GSKIP: variants seen among roughly 807,000 people sequenced by gnomAD.
GSKIP encodes GSK3B-interacting protein.
In GSKIP, 5 loss-of-function variants were observed where a neutral mutation model predicts 11.9. The observed-to-expected ratio is 0.42, with a 90% CI of 0.22 to 0.89. GSKIP has a LOEUF of 0.89. GSKIP is among the 40% of genes least tolerant of loss of function. The probability of loss-of-function intolerance (pLI) is 0.29; values close to 1 mark genes in which losing one functional copy is unlikely to be tolerated. For missense variants in GSKIP, 150 were observed against 166.6 expected (o/e 0.90, Z 0.55); for synonymous variants, 70 against 62.9 (o/e 1.11, Z -0.54).
At chr14:96,370,468 C>A (rs1222784501) in intron 1 of GSKIP, among the ~76,000 whole-genome samples, 1 of 145,488 alleles carries the variant, frequency 6.9e-6, no homozygotes, top group Non-Finnish European at 1.5e-5. Flanking sequence ...GTGGTGAGAG[C>A]TGTTTGGGTC....
intron 1 of GSKIP, among the ~76,000 whole-genome samples, chr14:96,373,091 A>G (rs1889094946): frequency 6.6e-6 from 1 of 152,032 alleles, no homozygotes; most frequent in Admixed American, 6.6e-5. Flanking sequence ...TTAGCCAGGC[A>G]CGGTGGTGGC....
intron 3 of GSKIP, among the ~76,000 whole-genome samples, chr14:96,383,876 A>C (rs1889415491): frequency 6.6e-6 from 1 of 152,174 alleles, no homozygotes; most frequent in Admixed American, 6.5e-5. Flanking sequence ...AGTAGAGATA[A>C]ATGACAGAAT....
At chr14:96,370,046 A>G (rs956076671) in intron 1 of GSKIP, among the ~76,000 whole-genome samples, 1 of 152,212 alleles carries the variant, frequency 6.6e-6, no homozygotes, top group Non-Finnish European at 1.5e-5. Context: ...GATGCAGGAC[A>G]TGCTAAAAGG....
chr14:96,377,866 G>A (rs771433668), intron 1 of GSKIP, among the ~76,000 whole-genome samples: 1 of 152,104 alleles, frequency 6.6e-6, no homozygotes, highest in Non-Finnish European at 1.5e-5. Context: ...ACCTTGAGAT[G>A]GTGCCTTTAA....
rs1042675914 is a variant in GSKIP, at chr14:96,374,246, A to C, written c.-102-5442A>C. 3.9e-5 allele frequency among the ~76,000 whole-genome samples: 6 copies of C among 152,208 alleles called. No homozygotes were observed. In the East Asian group the frequency reaches 7.7e-4, roughly 20 times the overall value. On this transcript the variant is annotated intron_variant, in intron 1 of 3. Transcript: ENST00000555181. ...ATCAATAAACAATTCAAAATGAAAC[A>C]GTGAAAAAAATAAATACAGCAATGA...
At chr14:96,364,044 C>T (rs1363092881) in intron 1 of GSKIP, 2 of 152,306 alleles carry the variant, frequency 1.3e-5, no homozygotes, top group Non-Finnish European at 2.9e-5. Flanking sequence ...CTTGGGTTTT[C>T]GAAGCATCTG....
chr14:96,385,365 A>G (rs1041978612), intron 3 of GSKIP, among the ~76,000 whole-genome samples, 158 bp from the exon 4 acceptor site: 6 of 152,216 alleles, frequency 3.9e-5, no homozygotes, highest in Admixed American at 1.3e-4. Context: ...GACTTTGAGA[A>G]ATAGTTTCAC....
intron 1 of GSKIP, among the ~76,000 whole-genome samples, chr14:96,376,972 A>T (rs1209945135): frequency 6.6e-6 from 1 of 152,220 alleles, no homozygotes; most frequent in African/African-American, 2.4e-5. Context: ...AGATTCAATT[A>T]TATCTCAAGT....
chr14:96,378,260 G>A (rs986721727), intron 1 of GSKIP, among the ~76,000 whole-genome samples: 1 of 152,128 alleles, frequency 6.6e-6, no homozygotes, highest in African/African-American at 2.4e-5. Flanking sequence ...AGGTTGAGGT[G>A]GGAGGATCAT....
chr14:96,383,142 G>A (rs1420877656), intron 3 of GSKIP, among the ~76,000 whole-genome samples: 1 of 152,158 alleles, frequency 6.6e-6, no homozygotes, highest in Non-Finnish European at 1.5e-5. Context: ...AGACCTGCGG[G>A]CTCTTACCTG....
rs371287458 is a variant in GSKIP at position 96,385,708 on chromosome 14, G to A, written c.*24G>A. The A allele has an allele frequency of 1.6e-5, 25 of 1,583,982 alleles. No individual in the cohort carries two copies. Among genetic ancestry groups the A allele is most frequent in the Non-Finnish European group, 2.2e-5 (25 of 1,161,834 alleles). On this transcript the variant is annotated 3_prime_UTR_variant, in exon 4 of 4. Coordinates refer to ENST00000555181, the MANE Select transcript of GSKIP (RefSeq NM_016472.5). Reference sequence around the variant, plus strand: ...GACTACACTTTTTCCTTTCAGAGGGGCTGGTGCTGGTACAGAATGTTGATA... The same window carrying A: ...GACTACACTTTTTCCTTTCAGAGGGACTGGTGCTGGTACAGAATGTTGATA...
chr14:96,384,918 T>TA (rs1242785847), intron 3 of GSKIP: 5 of 152,084 alleles, frequency 3.3e-5, no homozygotes, highest in Non-Finnish European at 7.4e-5. Flanking sequence ...GCCTTTCAGA[T>TA]TACTAATAAT....
intron 3 of GSKIP, among the ~76,000 whole-genome samples, chr14:96,384,981 CA>C (rs1408961473): frequency 6.6e-6 from 1 of 151,374 alleles, no homozygotes; most frequent in East Asian, 1.9e-4. Flanking sequence ...TATTAATAAA[CA>C]ATTATTAAAA....
chr14:96,385,429 T>C (rs2139946792), intron 3 of GSKIP, 94 bp from the exon 4 acceptor site: 3 of 949,338 alleles, frequency 3.2e-6, no homozygotes, highest in Non-Finnish European at 4.8e-6. Flanking sequence ...ATAATTTATT[T>C]TTTTGAAAGG....
intron 1 of GSKIP, chr14:96,378,788 C>A (rs565944241): frequency 1.1e-4 from 17 of 152,334 alleles, no homozygotes; most frequent in African/African-American, 4.1e-4. Flanking sequence ...TGGGTAGACT[C>A]CTAAATCCAA....
chr14:96,372,980 C>A (rs865828643), intron 1 of GSKIP, among the ~76,000 whole-genome samples: 34 of 151,940 alleles, frequency 2.2e-4, no homozygotes, highest in African/African-American at 7.5e-4. Context: ...CCTGTAATCC[C>A]AACACTTGGG....
chr14:96,373,246 A>G (rs1048150316), intron 1 of GSKIP, among the ~76,000 whole-genome samples: 14 of 150,428 alleles, frequency 9.3e-5, no homozygotes, highest in African/African-American at 3.2e-4. Context: ...AAAAAAAAAA[A>G]AAAAAAGAAA....
chr14:96,377,026 T>C (rs1049156846), intron 1 of GSKIP, among the ~76,000 whole-genome samples: 11 of 152,370 alleles, frequency 7.2e-5, no homozygotes, highest in African/African-American at 2.4e-4. Flanking sequence ...TCAGTGCCTT[T>C]ACATCTGCTG....
At chr14:96,364,917 T>C (rs1888829950) in intron 1 of GSKIP, 1 of 152,188 alleles carries the variant, frequency 6.6e-6, no homozygotes, top group African/African-American at 2.4e-5. Context: ...GTGCCTGCAA[T>C]TTCAAATATC....
Sources: gnomAD v4.1 joint callset for allele counts (sites outside exome capture counted in the v4.1 genomes callset) on GRCh38, gnomAD v4.1.1 for gene constraint, MANE v1.5 for transcripts, NCBI Gene and HGNC (gene_info 2026-07-23, HGNC 2026-07-21) for gene names.